Variants in LRP5 observed in about 807,000 individuals in gnomAD.
LRP5 encodes LDL receptor related protein 5.
A neutral mutation model predicts 154.1 loss-of-function variants in LRP5; 62 were observed. The observed-to-expected ratio is 0.40, with a 90% confidence interval of 0.33 to 0.50. The LOEUF (loss-of-function observed/expected upper bound fraction) is 0.50. Among genes scored for constraint, LRP5 ranks in the 20% least tolerant of loss-of-function variants. The probability of loss-of-function intolerance (pLI) is 0.55; values close to 1 mark genes in which losing one functional copy is unlikely to be tolerated. For synonymous variants in LRP5, 966 were observed against 1,011.5 expected, an observed-to-expected ratio of 0.96 and a Z score of 0.85; for missense variants, 1,915 against 2,336.7, an observed-to-expected ratio of 0.82 and a Z score of 3.72.
the LRP5 span, among the ~76,000 whole-genome samples, chr11:68,304,118 A>G: frequency 3.9e-5 from 6 of 152,312 alleles, no homozygotes; most frequent in South Asian, 1.2e-3. Context: ...GATCTTCCAC[A>G]ACCCTCCCAT....
chr11:68,421,618 T>C (rs779217099), intron 13 of LRP5, among the ~76,000 whole-genome samples: 3 of 152,162 alleles, frequency 2.0e-5, no homozygotes, highest in Non-Finnish European at 4.4e-5. Flanking sequence ...GATGTTGTTA[T>C]CTACAAAGAC....
At chr11:68,440,302 C>T (rs1024899132) in intron 21 of LRP5, among the ~76,000 whole-genome samples, 5 of 152,222 alleles carry the variant, frequency 3.3e-5, no homozygotes, top group Admixed American at 2.0e-4. Context: ...TGTTCTCCCA[C>T]CCAGGGCTGG....
chr11:68,344,976 C>T (rs998151839), intron 1 of LRP5, among the ~76,000 whole-genome samples: 17 of 149,644 alleles, frequency 1.1e-4, no homozygotes, highest in African/African-American at 3.5e-4. Flanking sequence ...AATTCTCCTG[C>T]CTCAGCCTCC....
chr11:68,437,010 T>C lies in LRP5; in HGVS notation c.4111+11T>C, dbSNP rs1390136992. 1 of 1,610,988 alleles carries C rather than the reference T, an allele frequency of 6.2e-7. No homozygotes were observed. The highest frequency in any genetic ancestry group is 8.5e-7 in the Non-Finnish European group (1 of 1,178,148). On this transcript the variant is annotated intron_variant, in intron 19 of 22. Coordinates refer to ENST00000294304, the MANE Select transcript of LRP5 (RefSeq NM_002335.4). ...ACGAGCTCATGTGTGGTGAGCCAGC[T>C]TCTGGCACGGGGAAGGGGCGTCCGG...
intron 5 of LRP5, among the ~76,000 whole-genome samples, chr11:68,373,682 C>G (rs574104033): frequency 6.6e-6 from 1 of 152,358 alleles, no homozygotes; most frequent in Non-Finnish European, 1.5e-5. Flanking sequence ...CACACAGCCC[C>G]AGGACCAAGG....
At chr11:68,307,386 G>C in the LRP5 span, among the ~76,000 whole-genome samples, 19 of 152,058 alleles carry the variant, frequency 1.2e-4, no homozygotes, top group Non-Finnish European at 2.2e-4. Flanking sequence ...AGGATTATAG[G>C]CCGGGGGGTG....
chr11:68,321,027 A>G (rs934900083), intron 1 of LRP5, among the ~76,000 whole-genome samples: 1 of 86,340 alleles, frequency 1.2e-5, no homozygotes, highest in African/African-American at 4.0e-5. Context: ...TTACTGTTTT[A>G]TGTTTTACAT....
chr11:68,403,980 T>A, intron 8 of LRP5: 1 of 535,064 alleles, frequency 1.9e-6, no homozygotes, highest in Non-Finnish European at 3.4e-6. Flanking sequence ...GGAGCCTTCG[T>A]GCCCACAGTG....
intron 13 of LRP5, among the ~76,000 whole-genome samples, chr11:68,420,698 C>G (rs761695936): frequency 3.3e-5 from 5 of 150,804 alleles, no homozygotes; most frequent in Non-Finnish European, 5.9e-5. Flanking sequence ...AGTGAGACTT[C>G]CTGTCTCAAA....
At position 68,416,360 on chromosome 11, in the gene LRP5, T is replaced by G; in HGVS notation, c.2860T>G (p.Ser954Ala). The change falls in exon 13 of 23, where the codon TCT becomes GCT. Residue 954 changes from serine to alanine, a missense_variant. By Grantham distance (99) the Ser-to-Ala change is moderately conservative. This residue lies in a region of LRP5 where 1,094 missense variants were observed against 1,210.1 expected (regional missense o/e 0.90). Transcript: ENST00000294304. ...CACCTTCTTGCTGTTCAGCCAGAAA[T>G]CTGCCATCAGTCGGATGATCCCGGA... is the stretch of plus-strand genomic sequence containing the variant. ...PTTFLLFSQK[S>A]AISRMIPDDQ... 1 of 1,614,114 alleles carries G rather than the reference T, an allele frequency of 6.2e-7. No homozygotes were observed. Among genetic ancestry groups the G allele is most frequent in the Non-Finnish European group, 8.5e-7 (1 of 1,180,028 alleles).
At chr11:68,310,556 G>A (rs2098587098), upstream of LRP5, among the ~76,000 whole-genome samples, 1 of 152,192 alleles carries the variant, frequency 6.6e-6, no homozygotes, top group South Asian at 2.1e-4. Context: ...GGAGGCAGAG[G>A]TTGTGGTGAG....
At chr11:68,392,655 C>A (rs2098646994) in intron 7 of LRP5, among the ~76,000 whole-genome samples, 1 of 152,136 alleles carries the variant, frequency 6.6e-6, no homozygotes, top group African/African-American at 2.4e-5. Flanking sequence ...GCACTCACGC[C>A]CATTCTCCCC....
At chr11:68,352,932 G>T (rs2098620041) in intron 2 of LRP5, among the ~76,000 whole-genome samples, 1 of 151,242 alleles carries the variant, frequency 6.6e-6, no homozygotes, top group Non-Finnish European at 1.5e-5. Context: ...GCCTGGTTGG[G>T]AGTAGTTGGT....
intron 17 of LRP5, among the ~76,000 whole-genome samples, chr11:68,431,329 TC>T (rs531856491): frequency 9.5e-4 from 134 of 141,724 alleles, no homozygotes; most frequent in African/African-American, 3.4e-3. Context: ...AACCTCTACC[TC>T]CTGGGTTCAA....
rs1483408648 is a variant in LRP5 at position 68,447,287 on chromosome 11, A to AAGGGGTGG, written c.4586+755_4586+762dup. 1 of 153,814 alleles carries AAGGGGTGG rather than the reference A, an allele frequency of 6.5e-6. No homozygotes were observed. The highest frequency in any genetic ancestry group is 1.4e-5 in the Non-Finnish European group (1 of 69,188). The allele number at this position is 153,814 out of a possible 1,614,324, so 9.5% of individuals were successfully genotyped here. A position where few individuals can be genotyped will look rare whatever the true frequency, so the allele number is the denominator to read the frequency against. On this transcript the variant is annotated intron_variant, in intron 22 of 22. Transcript: ENST00000294304. The surrounding 1 kb of genome is among the most constrained non-coding windows in gnomAD (Gnocchi z 4.3). ...GCACCAGGCCCCACCCCCGCAGGTG[A>AAGGGGTGG]AGGGGTGGGATAGGCTGGGCCTGGG...
chr11:68,375,491 C>G (rs2098636846), intron 5 of LRP5, among the ~76,000 whole-genome samples: 1 of 152,220 alleles, frequency 6.6e-6, no homozygotes, highest in Admixed American at 6.5e-5. Flanking sequence ...CTTCCCCTGC[C>G]CCCTGCCCCC....
At chr11:68,415,668 T>C (rs766195121) in intron 12 of LRP5, among the ~76,000 whole-genome samples, 597 of 42,164 alleles carry the variant, frequency 0.014, 21 homozygotes, top group Middle Eastern at 0.083. Context: ...TCGCTTGAAC[T>C]TGGGAGGTGG....
chr11:68,354,187 A>G (rs1056183243), intron 2 of LRP5, among the ~76,000 whole-genome samples: 4 of 152,240 alleles, frequency 2.6e-5, no homozygotes, highest in Non-Finnish European at 1.5e-5. Context: ...CACGAAGGCC[A>G]TGCTGCAGCT....
In LRP5 at chr11:68,438,679, A is replaced by C. The variant is rs546852998; in HGVS notation, c.4345A>C (p.Thr1449Pro). Residue 1449 changes from threonine to proline, a missense_variant, in exon 20 of 23, where the codon ACA (threonine) becomes CCA (proline). This residue lies in a region of LRP5 where 1,094 missense variants were observed against 1,210.1 expected (regional missense o/e 0.90). Transcript: ENST00000294304. ...APGGSQHGPFTGIACGKSMMS... is the reference protein window; with the variant it reads ...APGGSQHGPFPGIACGKSMMS... ...GGGCGGTTCCCAGCATGGCCCCTTC[A>C]CAGGTAAGGAGCCTGAGATATGGAA... is the stretch of plus-strand genomic sequence containing the variant. The C allele has an allele frequency of 1.2e-6, 2 of 1,611,016 alleles. No homozygotes were observed. The highest frequency in any genetic ancestry group is 2.7e-5 in the African/African-American group (2 of 75,020).
Sources: gnomAD v4.1 joint callset for allele counts (sites outside exome capture counted in the v4.1 genomes callset) on GRCh38, gnomAD v4.1.1 for gene constraint, gnomAD v4.1.1 regional missense constraint, Gnocchi (gnomAD v3.1) non-coding constraint, MANE v1.5 for transcripts, NCBI Gene and HGNC (gene_info 2026-07-23, HGNC 2026-07-21) for gene names.